FGFR2: variants seen among roughly 807,000 people sequenced by gnomAD.
FGFR2 encodes the protein fibroblast growth factor receptor 2, also known as BEK fibroblast growth factor receptor.
A neutral mutation model predicts 95.9 loss-of-function variants in FGFR2; 19 were observed. The observed-to-expected ratio is 0.20, with a 90% CI of 0.14 to 0.29. The LOEUF is 0.29. Ranked by LOEUF, FGFR2 falls within the 10% of genes least tolerant of loss-of-function variation. The pLI is 1.00. For synonymous variants in FGFR2, 392 were observed against 393.3 expected (o/e 1.00, Z 0.04); for missense variants, 707 against 1,056.9 (o/e 0.67, Z 4.59).
Position 121,586,781 on chromosome 10 carries a change from C to T in FGFR2, c.109+6928G>A, listed in dbSNP as rs891931289. ...ATAAATAGAAGTCAGCTACCACATACAAATCACAGTGAGGAAAGAGAAACT... is the reference window on the plus strand; with the variant it reads ...ATAAATAGAAGTCAGCTACCACATATAAATCACAGTGAGGAAAGAGAAACT... On this transcript the variant is annotated intron_variant, in intron 2 of 17. Coordinates refer to ENST00000358487, the MANE Select transcript of FGFR2 (RefSeq NM_000141.5). Among the ~76,000 whole-genome samples the T allele has an allele frequency of 2.6e-5, 4 of 152,152 alleles. No individual in the cohort carries two copies. The East Asian group carries it at 7.7e-4, about 29-fold the overall frequency.
chr10:121,547,289 T>G (rs1416223786), intron 5 of FGFR2, among the ~76,000 whole-genome samples: 1 of 152,180 alleles, frequency 6.6e-6, no homozygotes, highest in Non-Finnish European at 1.5e-5. Context: ...ATCAGTTAGA[T>G]GTCAGGCCCT....
chr10:121,510,418 G>A (rs914249642), intron 9 of FGFR2, among the ~76,000 whole-genome samples: 1 of 152,172 alleles, frequency 6.6e-6, no homozygotes, highest in African/African-American at 2.4e-5. Flanking sequence ...CCACATGAAA[G>A]GGCAGATTCC....
In FGFR2 at chr10:121,564,519, T is replaced by C. The variant is rs776668623; in HGVS notation, c.437A>G (p.Glu146Gly). The C allele has an allele frequency of 5.0e-6, 8 of 1,614,050 alleles. No individual in the cohort carries two copies. The South Asian group carries it at 7.7e-5, about 16-fold the overall frequency. ...TTACTTACTCTTGTTGTTACTGTTC[T>C]CACTGACAAAATCTTCCGCACCATC... ...DTDGAEDFVS[E>G]NSNNKRAPYW... The change falls in exon 4 of 18, where the codon GAG becomes GGG. Residue 146 changes from glutamate (E) to glycine (G), a missense_variant. Around this residue, in one of 7 missense-constraint regions of FGFR2, gnomAD observed 178 missense variants for 194.1 expected, o/e 0.92. Coordinates refer to ENST00000358487, the MANE Select transcript of FGFR2 (RefSeq NM_000141.5).
At chr10:121,564,212 G>A (rs961952904) in intron 4 of FGFR2, 1 of 476,872 alleles carries the variant, frequency 2.1e-6, no homozygotes, top group Non-Finnish European at 3.9e-6. Context: ...TTATGTCTCT[G>A]AATAGGGAGA....
In FGFR2 at chr10:121,483,729, A is replaced by G. The variant is rs1296874666; in HGVS notation, c.2270T>C (p.Leu757Ser). The G allele has an allele frequency of 6.2e-7, 1 of 1,613,984 alleles. No homozygotes were observed. Among genetic ancestry groups the G allele is most frequent in the South Asian group, 1.1e-5 (1 of 90,980 alleles). The change falls in exon 17 of 18, where the codon TTG becomes TCG. Residue 757 changes from leucine to serine, a missense_variant. By Grantham distance (145) the Leu-to-Ser change is moderately radical (BLOSUM62 -2). This residue lies in a region of FGFR2 where 104 missense variants were observed against 214.2 expected (regional missense o/e 0.49). Coordinates refer to ENST00000358487, the MANE Select transcript of FGFR2 (RefSeq NM_000141.5). ...RPTFKQLVED[L>S]DRILTLTTNE... ...GGTTGTGAGAGTGAGAATTCGATCC[A>G]AGTCTTCTACCAACTGCTTGAACGT...
intron 6 of FGFR2, chr10:121,526,757 G>A (rs1828506683): frequency 2.5e-6 from 1 of 398,536 alleles, no homozygotes; most frequent in South Asian, 1.3e-4. Flanking sequence ...ACACATTTCT[G>A]TGGAAGGTCA....
chr10:121,530,889 T>C (rs1851991759), intron 6 of FGFR2, among the ~76,000 whole-genome samples: 1 of 152,222 alleles, frequency 6.6e-6, no homozygotes, highest in Non-Finnish European at 1.5e-5. Flanking sequence ...CAAGTTTATT[T>C]GCCCAAGCTC....
At chr10:121,584,829 C>A (rs1319363560) in intron 2 of FGFR2, among the ~76,000 whole-genome samples, 1 of 34,378 alleles carries the variant, frequency 2.9e-5, no homozygotes, top group Non-Finnish European at 5.4e-5. Flanking sequence ...CCACCCCAAC[C>A]GATCCCATAA....
rs1290995722 is a variant in FGFR2, at chr10:121,478,464, G to A, written c.*1393C>T. On this transcript the variant is annotated 3_prime_UTR_variant, in exon 18 of 18. Transcript: ENST00000358487. Reference sequence around the variant, plus strand: ...TCCAATTTTGTAACACATAAGATCAGTGTAATCTGCATTCATCTTGCACGG... The same window carrying A: ...TCCAATTTTGTAACACATAAGATCAATGTAATCTGCATTCATCTTGCACGG... 3 of 233,412 alleles carry A rather than the reference G, an allele frequency of 1.3e-5. No homozygotes were observed. The highest frequency in any genetic ancestry group is 2.5e-5 in the Non-Finnish European group (3 of 117,962). 14.5% of individuals were successfully genotyped at this position (233,412 alleles called of 1,614,324 possible). A position where few individuals can be genotyped will look rare whatever the true frequency, so the allele number is the denominator to read the frequency against.
intron 6 of FGFR2, among the ~76,000 whole-genome samples, chr10:121,525,624 G>GGAGAGAGAGAGA (rs3035990): frequency 2.5e-4 from 37 of 149,368 alleles, no homozygotes; most frequent in African/African-American, 9.1e-4. Flanking sequence ...CATTATTGAG[G>GGAGAGAGAGAGA]GAGAGAGAGA....
At chr10:121,576,530 G>C (rs1859796776) in intron 2 of FGFR2, among the ~76,000 whole-genome samples, 1 of 152,188 alleles carries the variant, frequency 6.6e-6, no homozygotes, top group Non-Finnish European at 1.5e-5. Flanking sequence ...GGAGTGAATA[G>C]GATGTGCCTG....
intron 9 of FGFR2, among the ~76,000 whole-genome samples, chr10:121,509,966 G>C (rs1848839404): frequency 6.6e-6 from 1 of 152,006 alleles, no homozygotes; most frequent in South Asian, 2.1e-4. Flanking sequence ...GTGACTCTTA[G>C]GCTGCAAACC....
In FGFR2 at chr10:121,592,065, C is replaced by T. The variant is rs531709709; in HGVS notation, c.109+1644G>A. Among the ~76,000 whole-genome samples, 8 of 152,250 alleles carry T rather than the reference C, an allele frequency of 5.3e-5. No individual in the cohort carries two copies. The South Asian group carries it at 1.7e-3, about 32-fold the overall frequency. ...CTCACAATAACGCTGCCCTGAAAAG[C>T]CAAAATGAAAAATGACAGTTTTTCC... On this transcript the variant is annotated intron_variant, in intron 2 of 17. Coordinates refer to ENST00000358487, the MANE Select transcript of FGFR2 (RefSeq NM_000141.5).
Position 121,549,251 on chromosome 10 carries a change from C to T in FGFR2, c.624+2039G>A, listed in dbSNP as rs574001721. The stretch of plus-strand genomic sequence containing the variant: ...TAATCCTTTAAAGATGAATAACTGT[C>T]TAAGAAATTTCAGAAAAGGGTTGCA... On this transcript the variant is annotated intron_variant, in intron 5 of 17. Transcript: ENST00000358487. Among the ~76,000 whole-genome samples the T allele has an allele frequency of 2.0e-5, 3 of 152,250 alleles. No homozygotes were observed. In the East Asian group the frequency reaches 5.8e-4, roughly 29 times the overall value.
chr10:121,498,389 G>A, intron 12 of FGFR2, 106 bp downstream of exon 12: 1 of 778,188 alleles, frequency 1.3e-6, no homozygotes, highest in African/African-American at 1.7e-5. Flanking sequence ...CTTTAAACAT[G>A]CACACAGGGT....
chr10:121,528,107 G>A (rs1851627487), intron 6 of FGFR2: 1 of 152,144 alleles, frequency 6.6e-6, no homozygotes, highest in African/African-American at 2.4e-5. Context: ...GATTTGCAAA[G>A]AAGCTAAAAA....
chr10:121,495,388 C>A (rs765119826), intron 13 of FGFR2, among the ~76,000 whole-genome samples: 51 of 152,286 alleles, frequency 3.3e-4, no homozygotes, highest in Non-Finnish European at 6.3e-4. Context: ...CTTAGCCAGG[C>A]ATGGTGGCAC....
chr10:121,571,614 G>C (rs1003863113), intron 2 of FGFR2, among the ~76,000 whole-genome samples: 22 of 150,946 alleles, frequency 1.5e-4, no homozygotes, highest in Admixed American at 6.6e-4. Context: ...GCCACAAGCA[G>C]CTTCTTTAAA....
At chr10:121,590,974 C>T (rs930962457) in intron 2 of FGFR2, among the ~76,000 whole-genome samples, 4 of 151,904 alleles carry the variant, frequency 2.6e-5, no homozygotes, top group Non-Finnish European at 5.9e-5. Flanking sequence ...CACGCACGCA[C>T]GCACGCGCAC....
Sources: gnomAD v4.1 joint callset for allele counts (sites outside exome capture counted in the v4.1 genomes callset) on GRCh38, gnomAD v4.1.1 for gene constraint, gnomAD v4.1.1 regional missense constraint, MANE v1.5 for transcripts, NCBI Gene and HGNC (gene_info 2026-07-23, HGNC 2026-07-21) for gene names.